The following CDKAL1 variants were observed in gnomAD, a reference collection of about 807,000 sequenced individuals.
CDKAL1 encodes CDKAL1 threonylcarbamoyladenosine tRNA methylthiotransferase.
A neutral mutation model predicts 68.2 loss-of-function variants in CDKAL1; 32 were observed. The observed-to-expected ratio is 0.47, with a 90% CI of 0.35 to 0.63. The LOEUF is 0.63. Among genes scored for constraint, CDKAL1 ranks in the 30% least tolerant of loss-of-function variants. The pLI is 0.00. For synonymous variants in CDKAL1, 234 were observed against 244.3 expected, an observed-to-expected ratio of 0.96 and a Z score of 0.39; for missense variants, 606 against 696.7, an observed-to-expected ratio of 0.87 and a Z score of 1.47.
chr6:20,573,613 C>T (rs1764797121), intron 4 of CDKAL1, among the ~76,000 whole-genome samples: 1 of 152,008 alleles, frequency 6.6e-6, no homozygotes, highest in Non-Finnish European at 1.5e-5. Flanking sequence ...ATTTTCTGTT[C>T]ATAAATAAAT....
intron 10 of CDKAL1, among the ~76,000 whole-genome samples, chr6:20,983,137 AG>A (rs1210021474): frequency 6.6e-6 from 1 of 152,212 alleles, no homozygotes; most frequent in Non-Finnish European, 1.5e-5. Flanking sequence ...CAATTTAAGT[AG>A]AACAGGGATG....
At chr6:21,168,186 A>G (rs1032001980) in intron 13 of CDKAL1, among the ~76,000 whole-genome samples, 3 of 152,072 alleles carry the variant, frequency 2.0e-5, no homozygotes, top group African/African-American at 7.2e-5. Flanking sequence ...AATCAAGTCA[A>G]CCCTTCTTTC....
chr6:20,587,003 T>TTTTTTTTAGAAGG (rs1765392729), intron 4 of CDKAL1, among the ~76,000 whole-genome samples: 1 of 147,830 alleles, frequency 6.8e-6, no homozygotes, highest in African/African-American at 2.5e-5. Context: ...TTTTTTTTTT[T>TTTTTTTTAGAAGG]GAGACGGAGT....
chr6:20,946,223 ACTCT>A (rs933343293), intron 9 of CDKAL1, among the ~76,000 whole-genome samples: 9 of 151,894 alleles, frequency 5.9e-5, no homozygotes, highest in Non-Finnish European at 1.0e-4. Context: ...TCACCACGAA[ACTCT>A]CACTCACTTC....
intron 11 of CDKAL1, among the ~76,000 whole-genome samples, chr6:21,044,533 C>A (rs990471418): frequency 7.2e-5 from 11 of 152,100 alleles, no homozygotes; most frequent in Admixed American, 6.5e-4. Flanking sequence ...AGCCCAAAAC[C>A]CTTTCACAGA....
intron 7 of CDKAL1, among the ~76,000 whole-genome samples, chr6:20,770,487 G>A (rs888780698): frequency 3.3e-5 from 5 of 152,034 alleles, no homozygotes; most frequent in Admixed American, 3.3e-4. Context: ...ATGTATTTAG[G>A]CCACATGAGT....
intron 13 of CDKAL1, among the ~76,000 whole-genome samples, chr6:21,161,110 A>G (rs1160203756): frequency 6.6e-6 from 1 of 152,180 alleles, no homozygotes; most frequent in East Asian, 1.9e-4. Context: ...GGTGACACCC[A>G]GCCTGACCTT....
chr6:20,846,293 A>G, intron 9 of CDKAL1, 115 bp downstream of exon 9: 1 of 622,870 alleles, frequency 1.6e-6, no homozygotes, highest in South Asian at 2.1e-5. Context: ...GAGTTTTACA[A>G]ATATACGAAC....
chr6:21,148,669 ACT>A (rs1385611389), intron 13 of CDKAL1, among the ~76,000 whole-genome samples: 2 of 152,090 alleles, frequency 1.3e-5, no homozygotes, highest in African/African-American at 4.8e-5. Flanking sequence ...TTTAAAAAAC[ACT>A]GATTATGTTT....
At chr6:21,200,970 C>T (rs536398821) in intron 14 of CDKAL1, 140 bp from the exon 15 acceptor site, 37 of 649,678 alleles carry the variant, frequency 5.7e-5, no homozygotes, top group South Asian at 8.5e-5. Flanking sequence ...TAATGTAAGA[C>T]GGTAAATAAT....
intron 5 of CDKAL1, among the ~76,000 whole-genome samples, chr6:20,725,020 A>C (rs1772576910): frequency 6.6e-6 from 1 of 152,120 alleles, no homozygotes; most frequent in Admixed American, 6.5e-5. Flanking sequence ...GAGATTTGCA[A>C]ATTGGATGGT....
chr6:21,198,655 TAATTGTATG>T (rs1562110233), intron 14 of CDKAL1, among the ~76,000 whole-genome samples: 1 of 152,252 alleles, frequency 6.6e-6, no homozygotes, highest in Non-Finnish European at 1.5e-5. Flanking sequence ...GACTCAACTC[TAATTGTATG>T]AACAACTGTG....
intron 10 of CDKAL1, among the ~76,000 whole-genome samples, chr6:20,956,513 A>C (rs1441074750): frequency 6.6e-6 from 1 of 152,244 alleles, no homozygotes; most frequent in African/African-American, 2.4e-5. Flanking sequence ...GTGCAATTGC[A>C]AAGTCATGTG....
At chr6:21,053,349 A>AT (rs1770645108) in intron 11 of CDKAL1, among the ~76,000 whole-genome samples, 1 of 152,194 alleles carries the variant, frequency 6.6e-6, no homozygotes, top group South Asian at 2.1e-4. Context: ...GATATGCCAC[A>AT]TTTTGTTATT....
intron 13 of CDKAL1, among the ~76,000 whole-genome samples, chr6:21,114,985 G>A (rs943753707): frequency 6.6e-6 from 1 of 152,056 alleles, no homozygotes; most frequent in Non-Finnish European, 1.5e-5. Context: ...TAATAAAAAT[G>A]TAAAATATTT....
chr6:20,846,785 A>T (rs1778391040), intron 9 of CDKAL1, among the ~76,000 whole-genome samples: 1 of 152,328 alleles, frequency 6.6e-6, no homozygotes, highest in Non-Finnish European at 1.5e-5. Context: ...CTCAGCATAT[A>T]TAGTAAGACT....
intron 10 of CDKAL1, among the ~76,000 whole-genome samples, chr6:20,972,213 A>G (rs961283763): frequency 1.3e-5 from 2 of 152,234 alleles, no homozygotes; most frequent in African/African-American, 4.8e-5. Flanking sequence ...TCATATCACA[A>G]GATCTCTCTA....
intron 10 of CDKAL1, among the ~76,000 whole-genome samples, chr6:20,983,300 G>A (rs997607570): frequency 2.0e-5 from 3 of 152,056 alleles, no homozygotes; most frequent in Admixed American, 6.6e-5. Context: ...TAGTTTAAAC[G>A]CATGAGACTT....
chr6:21,228,342 T>C (rs988439691), intron 15 of CDKAL1, among the ~76,000 whole-genome samples: 1 of 152,188 alleles, frequency 6.6e-6, no homozygotes, highest in Non-Finnish European at 1.5e-5. Flanking sequence ...TCCATATTTT[T>C]CTGGAAGGGT....
Sources: gnomAD v4.1 joint callset for allele counts (sites outside exome capture counted in the v4.1 genomes callset) on GRCh38, gnomAD v4.1.1 for gene constraint, MANE v1.5 for transcripts, NCBI Gene and HGNC (gene_info 2026-07-23, HGNC 2026-07-21) for gene names.